Variants in ROBO2 observed in about 807,000 individuals in gnomAD.
ROBO2 encodes roundabout guidance receptor 2.
In ROBO2, 53 loss-of-function variants were observed where a neutral mutation model predicts 160.8. The observed-to-expected ratio is 0.33, with a 90% CI of 0.26 to 0.41. ROBO2 has a LOEUF of 0.41. Among genes scored for constraint, ROBO2 ranks in the 10% least tolerant of loss-of-function variants. The probability of loss-of-function intolerance (pLI) is 1.00; values close to 1 mark genes in which losing one functional copy is unlikely to be tolerated. For synonymous variants in ROBO2, 664 were observed against 611.7 expected, an observed-to-expected ratio of 1.09 and a Z score of -1.26; for missense variants, 1,577 against 1,722.4, an observed-to-expected ratio of 0.92 and a Z score of 1.49.
intron 2 of ROBO2, among the ~76,000 whole-genome samples, chr3:76,572,988 C>T (rs2085048197): frequency 6.6e-6 from 1 of 152,088 alleles, no homozygotes; most frequent in Non-Finnish European, 1.5e-5. Flanking sequence ...GGGGTATCAG[C>T]CTCTTCATTT....
intron 2 of ROBO2, among the ~76,000 whole-genome samples, chr3:76,160,632 A>T (rs1011805780): frequency 6.6e-6 from 1 of 152,170 alleles, no homozygotes; most frequent in Admixed American, 6.6e-5. Context: ...TTTGTAAAGG[A>T]TCAGTGGTTT....
chr3:77,191,269 C>T (rs1028710168), intron 2 of ROBO2, among the ~76,000 whole-genome samples: 6 of 151,956 alleles, frequency 3.9e-5, no homozygotes, highest in African/African-American at 1.5e-4. Context: ...TGTAAGTTTA[C>T]CATGAAAACA....
chr3:76,242,037 T>C (rs1036201301), intron 2 of ROBO2, among the ~76,000 whole-genome samples: 6 of 152,222 alleles, frequency 3.9e-5, no homozygotes, highest in Admixed American at 3.9e-4. Flanking sequence ...TGAAATATTA[T>C]CTTCATAGTC....
intron 2 of ROBO2, among the ~76,000 whole-genome samples, chr3:76,301,973 A>G (rs1249880407): frequency 6.6e-6 from 1 of 152,098 alleles, no homozygotes; most frequent in East Asian, 1.9e-4. Flanking sequence ...AATGGAGGCC[A>G]TCCCTGATGA....
intron 2 of ROBO2, among the ~76,000 whole-genome samples, chr3:76,301,610 G>A (rs1039048780): frequency 1.3e-5 from 2 of 152,016 alleles, no homozygotes; most frequent in African/African-American, 4.8e-5. Context: ...AAGTGTTGTG[G>A]TGTTATGAGG....
At chr3:76,245,332 A>G (rs1325747499) in intron 2 of ROBO2, among the ~76,000 whole-genome samples, 2 of 152,196 alleles carry the variant, frequency 1.3e-5, no homozygotes, top group East Asian at 3.8e-4. Flanking sequence ...TATGTGCAGC[A>G]ATGTTCCTGG....
chr3:76,129,036 C>CATAGAACATAGAAAA (rs1230478275), intron 2 of ROBO2, among the ~76,000 whole-genome samples: 1 of 145,540 alleles, frequency 6.9e-6, no homozygotes, highest in African/African-American at 2.5e-5. Flanking sequence ...AAACATAGAA[C>CATAGAACATAGAAAA]AAAGTAAAGG....
intron 2 of ROBO2, among the ~76,000 whole-genome samples, chr3:76,580,317 G>GTTTTT (rs1329634324): frequency 1.0e-4 from 4 of 38,860 alleles, no homozygotes; most frequent in East Asian, 8.0e-4. Context: ...CCCAACCCCT[G>GTTTTT]TTTTTTTTTT....
chr3:76,146,363 G>A (rs1409727721), intron 2 of ROBO2, among the ~76,000 whole-genome samples: 1 of 151,766 alleles, frequency 6.6e-6, no homozygotes, highest in Non-Finnish European at 1.5e-5. Context: ...GGAAATTAGG[G>A]TGTGTTATCA....
At chr3:76,272,682 T>TATTCTATATATATAAA (rs1553692895) in intron 2 of ROBO2, among the ~76,000 whole-genome samples, 2 of 95,462 alleles carry the variant, frequency 2.1e-5, no homozygotes, top group African/African-American at 3.6e-5. Flanking sequence ...CACATATAAA[T>TATTCTATATATATAAA]ATATATATAT....
intron 2 of ROBO2, among the ~76,000 whole-genome samples, chr3:76,992,325 CTATATATATA>C (rs10530833): frequency 0.022 from 1,028 of 46,820 alleles, 19 homozygotes; most frequent in African/African-American, 0.064. Flanking sequence ...CCATGTATTA[CTATATATATA>C]TATATATATA....
intron 2 of ROBO2, among the ~76,000 whole-genome samples, chr3:76,028,144 C>A (rs1272155030): frequency 6.6e-6 from 1 of 151,792 alleles, no homozygotes; most frequent in East Asian, 1.9e-4. Flanking sequence ...AAAATCAATC[C>A]TTTCTCAGAT....
At chr3:76,917,197 G>A (rs556441085) in intron 2 of ROBO2, among the ~76,000 whole-genome samples, 3 of 152,196 alleles carry the variant, frequency 2.0e-5, no homozygotes, top group East Asian at 3.9e-4. Flanking sequence ...TCTACGTATG[G>A]CAATCAAGCC....
intron 2 of ROBO2, among the ~76,000 whole-genome samples, chr3:76,634,049 A>G (rs530097522): frequency 1.3e-5 from 2 of 152,362 alleles, no homozygotes; most frequent in East Asian, 3.9e-4. Context: ...TGCTAACATC[A>G]CAATTATGCT....
At chr3:77,504,236 A>G (rs994778791) in intron 5 of ROBO2, among the ~76,000 whole-genome samples, 1 of 152,214 alleles carries the variant, frequency 6.6e-6, no homozygotes, top group Non-Finnish European at 1.5e-5. Flanking sequence ...AAATTACAAA[A>G]GGTATTGTAA....
At chr3:76,074,506 G>A (rs1289371872) in intron 2 of ROBO2, among the ~76,000 whole-genome samples, 1 of 152,184 alleles carries the variant, frequency 6.6e-6, no homozygotes, top group African/African-American at 2.4e-5. Flanking sequence ...TCTTAGAGGA[G>A]TAAGAAATGG....
intron 2 of ROBO2, among the ~76,000 whole-genome samples, chr3:75,952,548 C>T (rs1689882406): frequency 6.6e-6 from 1 of 151,964 alleles, no homozygotes; most frequent in African/African-American, 2.4e-5. Flanking sequence ...ATGTCATCCT[C>T]AGCCTCTACC....
chr3:77,529,941 C>T (rs892437383), intron 6 of ROBO2, among the ~76,000 whole-genome samples: 1 of 151,728 alleles, frequency 6.6e-6, no homozygotes. Flanking sequence ...TTTTTTGTAT[C>T]TACTTCTTAC....
At chr3:76,650,560 G>C (rs1250199385) in intron 2 of ROBO2, among the ~76,000 whole-genome samples, 1 of 150,882 alleles carries the variant, frequency 6.6e-6, no homozygotes, top group African/African-American at 2.4e-5. Flanking sequence ...TCTAAGCTCT[G>C]TTTGCTGATA....
Sources: gnomAD v4.1 joint callset for allele counts (sites outside exome capture counted in the v4.1 genomes callset) on GRCh38, gnomAD v4.1.1 for gene constraint, MANE v1.5 for transcripts, NCBI Gene and HGNC (gene_info 2026-07-23, HGNC 2026-07-21) for gene names.